The following SPSB1 variants were observed in gnomAD, a reference collection of about 807,000 sequenced individuals.
The protein encoded by SPSB1 is splA/ryanodine receptor domain and SOCS box containing 1, also known as SPRY domain-containing SOCS box protein 1.
A neutral mutation model predicts 21.2 loss-of-function variants in SPSB1; 8 were observed. The ratio of observed to expected loss-of-function variants is 0.38; its 90% confidence interval spans 0.22 to 0.68. The LOEUF is 0.68. Ranked by LOEUF, SPSB1 falls within the 30% of genes least tolerant of loss-of-function variation. The pLI, the probability that SPSB1 is intolerant of heterozygous loss-of-function variation, is 0.53. For missense variants in SPSB1, 242 were observed against 377.8 expected (o/e 0.64, Z 2.98); for synonymous variants, 169 against 161.7 (o/e 1.05, Z -0.34).
chr1:9,331,321 G>GTTTTTTTTTTTTTTTTTTT, intron 1 of SPSB1, among the ~76,000 whole-genome samples: 1 of 53,704 alleles, frequency 1.9e-5, no homozygotes, highest in Non-Finnish European at 3.3e-5. Context: ...TGGTGCTCTT[G>GTTTTTTTTTTTTTTTTTTT]TTTTTTTTTT....
At chr1:9,339,386 C>G in intron 1 of SPSB1, 4 of 822,538 alleles carry the variant, frequency 4.9e-6, no homozygotes, top group Non-Finnish European at 5.9e-6. Context: ...CAGGTTCTGG[C>G]AGGACCCAGG....
chr1:9,331,706 C>T (rs964602540), intron 1 of SPSB1, among the ~76,000 whole-genome samples: 1 of 152,132 alleles, frequency 6.6e-6, no homozygotes, highest in Non-Finnish European at 1.5e-5. Flanking sequence ...CCGAAGCTGC[C>T]GGATTCAGAT....
At chr1:9,332,209 A>G (rs1268169356) in intron 1 of SPSB1, among the ~76,000 whole-genome samples, 2 of 152,006 alleles carry the variant, frequency 1.3e-5, no homozygotes, top group African/African-American at 4.8e-5. Context: ...AAAAATCTCA[A>G]TGAGAGCGTT....
chr1:9,358,120 C>A (rs921541058), intron 2 of SPSB1, among the ~76,000 whole-genome samples: 1 of 152,192 alleles, frequency 6.6e-6, no homozygotes, highest in African/African-American at 2.4e-5. Context: ...GGAGGTCCTC[C>A]TCCTGCTCCT....
At chr1:9,323,849 C>T (rs190232633) in intron 1 of SPSB1, among the ~76,000 whole-genome samples, 2 of 152,192 alleles carry the variant, frequency 1.3e-5, no homozygotes, top group Non-Finnish European at 1.5e-5. Context: ...AGGGGCTGTG[C>T]CATGTGGGAC....
At chr1:9,326,765 T>C (rs950828803) in intron 1 of SPSB1, among the ~76,000 whole-genome samples, 17 of 152,220 alleles carry the variant, frequency 1.1e-4, no homozygotes, top group Non-Finnish European at 5.9e-5. Context: ...GTAAGCCCGC[T>C]GCTTCTGAGG....
chr1:9,359,847 C>CAG (rs71580084), intron 2 of SPSB1, among the ~76,000 whole-genome samples: 30,077 of 105,546 alleles, frequency 0.28, 4,417 homozygotes, highest in Non-Finnish European at 0.37. Flanking sequence ...GGATGGAAGC[C>CAG]GGGGGGGTGG....
At chr1:9,338,210 C>T (rs751160831) in intron 1 of SPSB1, among the ~76,000 whole-genome samples, 1 of 152,188 alleles carries the variant, frequency 6.6e-6, no homozygotes, top group Non-Finnish European at 1.5e-5. Context: ...TCCCCTACCC[C>T]GTTTCTTCAG....
intron 1 of SPSB1, among the ~76,000 whole-genome samples, chr1:9,308,791 G>A (rs1639463739): frequency 6.6e-6 from 1 of 152,188 alleles, no homozygotes; most frequent in African/African-American, 2.4e-5. Context: ...CTGGATGCTG[G>A]AAGGTGGGCC....
chr1:9,367,641 G>A lies in SPSB1; in HGVS notation c.*66G>A, dbSNP rs1230901702. On this transcript the variant is annotated 3_prime_UTR_variant, in exon 3 of 3. Transcript: ENST00000328089. The surrounding 1 kb of genome is among the most constrained non-coding windows in gnomAD (Gnocchi z 5.9). The stretch of plus-strand genomic sequence containing the variant: ...CAACTCACTGAGCCGCCTGCCGCTG[G>A]GGCCGCCGCACCCTGCACCTTGGAC... 60 of 1,519,246 alleles carry A rather than the reference G, an allele frequency of 3.9e-5. No individual in the cohort carries two copies. The highest frequency in any genetic ancestry group is 8.2e-5 in the African/African-American group (6 of 72,736). The allele number at this position is 1,519,246 out of a possible 1,614,324, so 94.1% of individuals were successfully genotyped here. A position where few individuals can be genotyped will look rare whatever the true frequency, so the allele number is the denominator to read the frequency against.
intron 1 of SPSB1, among the ~76,000 whole-genome samples, chr1:9,344,949 C>G (rs1275380908): frequency 6.6e-6 from 1 of 152,184 alleles, no homozygotes; most frequent in Non-Finnish European, 1.5e-5. Flanking sequence ...CAGAGTGTCA[C>G]TGGCTCCCAT....
chr1:9,348,717 C>A lies in SPSB1; in HGVS notation c.-149-7026C>A, dbSNP rs549388193. Among the ~76,000 whole-genome samples, 2 of 152,058 alleles carry A rather than the reference C, an allele frequency of 1.3e-5. No homozygotes were observed. Among genetic ancestry groups the A allele is most frequent in the African/African-American group, 4.8e-5 (2 of 41,388 alleles). On this transcript the variant is annotated intron_variant, in intron 1 of 2. Coordinates refer to ENST00000328089, the MANE Select transcript of SPSB1 (RefSeq NM_025106.4). The surrounding 1 kb of genome is among the most constrained non-coding windows in gnomAD (Gnocchi z 4.8). ...TGGCCTTTTTCCTGGACCCAGACAA[C>A]CTTAAATGGCTGTTCGAAGCTGGCC...
Position 9,360,521 on chromosome 1 carries a change from A to ATGGTAGCGGGCTCGAC in SPSB1, c.694+3939_694+3954dup, listed in dbSNP as rs1317320246. On this transcript the variant is annotated intron_variant, in intron 2 of 2. Coordinates refer to ENST00000328089, the MANE Select transcript of SPSB1 (RefSeq NM_025106.4). Reference sequence around the variant, plus strand: ...AGGAGGCCAGGTGTCTGCGATCAGGATGGTAGCGGGCTCGACTGCCTCCGA... The same window carrying ATGGTAGCGGGCTCGAC: ...AGGAGGCCAGGTGTCTGCGATCAGGATGGTAGCGGGCTCGACTGGTAGCGGGCTCGACTGCCTCCGA... Among the ~76,000 whole-genome samples the ATGGTAGCGGGCTCGAC allele has an allele frequency of 2.6e-5, 4 of 152,272 alleles. No homozygotes were observed. In the East Asian group the frequency reaches 7.7e-4, roughly 29 times the overall value.
chr1:9,309,729 C>T (rs1468594922), intron 1 of SPSB1, among the ~76,000 whole-genome samples: 2 of 152,094 alleles, frequency 1.3e-5, no homozygotes, highest in Non-Finnish European at 2.9e-5. Flanking sequence ...CATAATCCCA[C>T]TACTTGGGAG....
At chr1:9,301,709 T>C (rs971681407) in intron 1 of SPSB1, among the ~76,000 whole-genome samples, 1 of 152,178 alleles carries the variant, frequency 6.6e-6, no homozygotes, top group Non-Finnish European at 1.5e-5. Flanking sequence ...ATGGAGGTGA[T>C]GCATGGGCTC....
At chr1:9,350,043 C>G (rs1040626731) in intron 1 of SPSB1, among the ~76,000 whole-genome samples, 1 of 152,062 alleles carries the variant, frequency 6.6e-6, no homozygotes, top group Non-Finnish European at 1.5e-5. Context: ...ACACACCACA[C>G]ACATATACAC....
At chr1:9,299,534 C>T (rs925548081) in intron 1 of SPSB1, among the ~76,000 whole-genome samples, 10 of 152,088 alleles carry the variant, frequency 6.6e-5, no homozygotes, top group African/African-American at 2.2e-4. Flanking sequence ...GGCTGGAGTG[C>T]AATGGTGCAA....
Position 9,317,378 on chromosome 1 carries a change from A to G in SPSB1, c.-150+24307A>G, listed in dbSNP as rs1639633057. Among the ~76,000 whole-genome samples the G allele has an allele frequency of 6.6e-6, 1 of 152,202 alleles. No homozygotes were observed. Among genetic ancestry groups the G allele is most frequent in the African/African-American group, 2.4e-5 (1 of 41,446 alleles). On this transcript the variant is annotated intron_variant, in intron 1 of 2. Coordinates refer to ENST00000328089, the MANE Select transcript of SPSB1 (RefSeq NM_025106.4). The surrounding 1 kb of genome is among the most constrained non-coding windows in gnomAD (Gnocchi z 4.3). ...ATATAGTAAGTGCTTGATAAAAGTC[A>G]TCACCGAAATCAATCTGACTCCAGG...
intron 1 of SPSB1, among the ~76,000 whole-genome samples, chr1:9,312,387 T>C (rs1412870903): frequency 6.6e-6 from 1 of 152,064 alleles, no homozygotes; most frequent in African/African-American, 2.4e-5. Context: ...TTGTAGGCAG[T>C]GAGCGCTAAC....
Sources: allele counts gnomAD v4.1 joint callset (sites outside exome capture counted in the v4.1 genomes callset), GRCh38; gene constraint gnomAD v4.1.1; non-coding constraint Gnocchi (gnomAD v3.1); transcripts MANE v1.5; gene names NCBI Gene and HGNC (gene_info 2026-07-23, HGNC 2026-07-21).